Variants in HMCN2 observed in about 807,000 individuals in gnomAD.
HMCN2 encodes hemicentin-2.
Under a neutral mutation model 377.5 loss-of-function variants are expected in HMCN2, and 325 were observed. That is an observed-to-expected ratio of 0.86 (90% CI 0.79 to 0.94). The LOEUF is 0.94. Ranked by LOEUF, HMCN2 falls within the 40% of genes least tolerant of loss-of-function variation. The pLI is 0.00. For synonymous variants in HMCN2, 2,007 were observed against 2,046.8 expected (o/e 0.98, Z 0.53); for missense variants, 4,543 against 4,725.3 (o/e 0.96, Z 1.13).
At chr9:130,382,318 G>A in intron 55 of HMCN2, 21 bp downstream of exon 55, 1 of 973,908 alleles carries the variant, frequency 1.0e-6, no homozygotes, top group Non-Finnish European at 1.2e-6. Flanking sequence ...GGGCCTGCAG[G>A]TGGGGATTCC....
intron 5 of HMCN2, 139 bp downstream of exon 5, chr9:130,295,165 G>A (rs545880648): frequency 1.2e-4 from 35 of 288,362 alleles, no homozygotes; most frequent in Non-Finnish European, 2.4e-4. Flanking sequence ...GGGTGGGGGG[G>A]ACACGAAGTG....
At chr9:130,402,411 G>A (rs1842895515) in intron 77 of HMCN2, among the ~76,000 whole-genome samples, 1 of 152,254 alleles carries the variant, frequency 6.6e-6, no homozygotes, top group Non-Finnish European at 1.5e-5. Flanking sequence ...CCTAGAGGAG[G>A]TGAGTTTTTA....
intron 85 of HMCN2, among the ~76,000 whole-genome samples, chr9:130,417,243 C>T (rs539278775): frequency 2.0e-5 from 3 of 151,920 alleles, no homozygotes; most frequent in African/African-American, 4.8e-5. Flanking sequence ...GAGCCGGGGC[C>T]GGACATGGTC....
At position 130,359,319 on chromosome 9, in the gene HMCN2, T is replaced by A. The variant is rs1235867502; in HGVS notation, c.5678T>A (p.Val1893Glu). 7 of 1,301,788 alleles carry A rather than the reference T, an allele frequency of 5.4e-6. No homozygotes were observed. The East Asian group carries it at 3.3e-4, about 62-fold the overall frequency. 80.6% of individuals were successfully genotyped at this position (1,301,788 alleles called of 1,614,324 possible). A position where few individuals can be genotyped will look rare whatever the true frequency, so the allele number is the denominator to read the frequency against. Residue 1893 changes from valine (V) to glutamate (E), a missense_variant and splice_region_variant, in exon 37 of 98, where the codon GTG (valine) becomes GAG (glutamate). Val to Glu is a moderately radical substitution (Grantham distance 121). Transcript: ENST00000683500. Reference protein sequence around the residue: ...SKREVALKVLVPPNIEPGPVN... With the variant: ...SKREVALKVLEPPNIEPGPVN... ...TGGGTCTCTCCTTGTCTCCCCCTAG[T>A]GCCCCCCAACATCGAGCCAGGCCCA... is the stretch of plus-strand genomic sequence containing the variant.
chr9:130,343,941 C>A (rs1389033011), intron 25 of HMCN2, among the ~76,000 whole-genome samples: 1 of 152,120 alleles, frequency 6.6e-6, no homozygotes, highest in Non-Finnish European at 1.5e-5. Flanking sequence ...TGGGGTGGGG[C>A]GTGAAGGCCC....
At position 130,424,863 on chromosome 9, in the gene HMCN2, C is replaced by G; in HGVS notation, c.13469C>G (p.Ser4490Cys). 1.4e-6 allele frequency: 2 copies of G among 1,471,802 alleles called. No homozygotes were observed. The highest frequency in any genetic ancestry group is 1.8e-6 in the Non-Finnish European group (2 of 1,106,346). The allele number at this position is 1,471,802 out of a possible 1,614,324, so 91.2% of individuals were successfully genotyped here. ...RESGEALNGH[S>C]LTGGRFRQES... is the part of the protein sequence containing the mutation. ...AGTGGGGAAGCCCTGAATGGCCACT[C>G]TCTGACTGGGGGCAGGTTCCGGCAG... The change falls in exon 88 of 98, where the codon TCT becomes TGT. Residue 4490 changes from serine (S) to cysteine (C), a missense_variant. Coordinates refer to ENST00000683500, the MANE Select transcript of HMCN2 (RefSeq NM_001291815.2).
At position 130,375,870 on chromosome 9, in the gene HMCN2, A is replaced by T. The variant is rs893095691; in HGVS notation, c.7805-6A>T. ...GGGGTGACCCTGGCCACTGGCCCCCACACAGGTACCCACGGGCTGCAGATC... is the reference window on the plus strand; with the variant it reads ...GGGGTGACCCTGGCCACTGGCCCCCTCACAGGTACCCACGGGCTGCAGATC... On this transcript the variant is annotated splice_region_variant and splice_polypyrimidine_tract_variant and intron_variant, in intron 50 of 97. Coordinates refer to ENST00000683500, the MANE Select transcript of HMCN2 (RefSeq NM_001291815.2). The T allele has an allele frequency of 5.1e-6, 5 of 985,794 alleles. No homozygotes were observed. Among genetic ancestry groups the T allele is most frequent in the Middle Eastern group, 5.2e-4 (1 of 1,914 alleles). 61.1% of individuals were successfully genotyped at this position (985,794 alleles called of 1,614,324 possible).
intron 22 of HMCN2, among the ~76,000 whole-genome samples, chr9:130,330,706 C>G (rs969054396): frequency 5.0e-4 from 76 of 152,264 alleles, no homozygotes; most frequent in African/African-American, 1.7e-3. Flanking sequence ...TGGAGCGGCT[C>G]TTATCCTTGT....
At chr9:130,334,516 T>C (rs1309700920) in intron 22 of HMCN2, among the ~76,000 whole-genome samples, 3 of 151,906 alleles carry the variant, frequency 2.0e-5, no homozygotes, top group African/African-American at 7.3e-5. Flanking sequence ...AGATACCCAC[T>C]TTTATTGGTG....
chr9:130,350,104 C>G (rs1337891853), intron 29 of HMCN2, among the ~76,000 whole-genome samples: 3 of 151,528 alleles, frequency 2.0e-5, no homozygotes, highest in South Asian at 2.1e-4. Context: ...CAGATGGGGT[C>G]CTGCTTTGTT....
At chr9:130,353,346 C>T (rs890007065) in intron 31 of HMCN2, 141 bp downstream of exon 31, 16 of 676,042 alleles carry the variant, frequency 2.4e-5, no homozygotes, top group Admixed American at 3.4e-5. Context: ...AAGACATTAT[C>T]TAGGGAGAAG....
chr9:130,354,345 G>A (rs1488118533), intron 31 of HMCN2, among the ~76,000 whole-genome samples: 1 of 152,216 alleles, frequency 6.6e-6, no homozygotes, highest in East Asian at 1.9e-4. Flanking sequence ...CTGGGCTCAG[G>A]TCTGCCCCAG....
intron 18 of HMCN2, among the ~76,000 whole-genome samples, chr9:130,321,154 G>A (rs954300987): frequency 1.4e-4 from 22 of 152,270 alleles, no homozygotes; most frequent in Middle Eastern, 6.8e-3. Flanking sequence ...CAGGGCAATC[G>A]TGTGCCTCAG....
chr9:130,270,792 G>A (rs962404401), intron 1 of HMCN2, among the ~76,000 whole-genome samples: 1 of 148,474 alleles, frequency 6.7e-6, no homozygotes, highest in Non-Finnish European at 1.5e-5. Flanking sequence ...TGCCTAGGCC[G>A]ATGTCAAACT....
At chr9:130,355,137 A>T in intron 32 of HMCN2, 93 bp downstream of exon 32, 1 of 1,032,192 alleles carries the variant, frequency 9.7e-7, no homozygotes, top group African/African-American at 1.7e-5. Flanking sequence ...CCTGGAGTGG[A>T]GGGAGGGTGG....
At chr9:130,397,692 C>G in intron 74 of HMCN2, 37 bp downstream of exon 74, 1 of 1,286,832 alleles carries the variant, frequency 7.8e-7, no homozygotes. Flanking sequence ...TGTCCAGTCC[C>G]TGTCGGGGTC....
rs886234387 is a variant in HMCN2 at position 130,423,850 on chromosome 9, T to C, written c.13382-926T>C. 6.6e-6 allele frequency among the ~76,000 whole-genome samples: 1 copy of C among 152,224 alleles called. No individual in the cohort carries two copies. Among genetic ancestry groups the C allele is most frequent in the Non-Finnish European group, 1.5e-5 (1 of 68,042 alleles). ...AGAAGGGATCTGCAAGTTAGAAAAG[T>C]TGGTTCACTTCAACTCAGCAAATAT... On this transcript the variant is annotated intron_variant, in intron 87 of 97. Coordinates refer to ENST00000683500, the MANE Select transcript of HMCN2 (RefSeq NM_001291815.2). The surrounding 1 kb of genome is among the most constrained non-coding windows in gnomAD (Gnocchi z 5.5).
Position 130,369,800 on chromosome 9 carries a change from G to A in HMCN2, c.7018G>A (p.Ala2340Thr). The change falls in exon 45 of 98, where the codon GCC (alanine) becomes ACC (threonine). Residue 2340 changes from alanine (A) to threonine (T), a missense_variant. Coordinates refer to ENST00000683500, the MANE Select transcript of HMCN2 (RefSeq NM_001291815.2). The surrounding 1 kb of genome is among the most constrained non-coding windows in gnomAD (Gnocchi z 4.5). ...AAHTGRYSCV[A>T]ENLAGRAERK... The stretch of plus-strand genomic sequence containing the variant: ...CCACACTGGACGCTACAGCTGTGTG[G>A]CCGAGAACCTGGCTGGGAGGGCAGA... 3.0e-6 allele frequency: 3 copies of A among 986,130 alleles called. No individual in the cohort carries two copies. The South Asian group carries it at 1.4e-4, about 46-fold the overall frequency. The allele number at this position is 986,130 out of a possible 1,614,324, so 61.1% of individuals were successfully genotyped here. A position where few individuals can be genotyped will look rare whatever the true frequency, so the allele number is the denominator to read the frequency against.
Position 130,267,830 on chromosome 9 carries a change from T to C in HMCN2, c.259+1693T>C, listed in dbSNP as rs541315925. On this transcript the variant is annotated intron_variant, in intron 1 of 97. Coordinates refer to ENST00000683500, the MANE Select transcript of HMCN2 (RefSeq NM_001291815.2). ...GTCAGGGGGCAACCAAGCTGGGGGT[T>C]GTGAGGAGGTGGGCTGTGAAGTGTG... Among the ~76,000 whole-genome samples the C allele has an allele frequency of 7.2e-5, 11 of 152,318 alleles. No homozygotes were observed. In the South Asian group the frequency reaches 2.1e-3, roughly 29 times the overall value.
Sources: allele counts gnomAD v4.1 joint callset (sites outside exome capture counted in the v4.1 genomes callset), GRCh38; gene constraint gnomAD v4.1.1; non-coding constraint Gnocchi (gnomAD v3.1); transcripts MANE v1.5; gene names NCBI Gene and HGNC (gene_info 2026-07-23, HGNC 2026-07-21).